The following NTRK2 variants were observed in gnomAD, a reference collection of about 807,000 sequenced individuals.
NTRK2 encodes neurotrophic receptor tyrosine kinase 2.
Under a neutral mutation model 94.5 loss-of-function variants are expected in NTRK2, and 13 were observed. That is an observed-to-expected ratio of 0.14 (90% CI 0.09 to 0.22). The LOEUF (loss-of-function observed/expected upper bound fraction) is 0.22. NTRK2 is among the 10% of genes least tolerant of loss of function. The pLI is 1.00. For missense variants in NTRK2, 639 were observed against 1,071.2 expected, an observed-to-expected ratio of 0.60 and a Z score of 5.63; for synonymous variants, 372 against 407.4, an observed-to-expected ratio of 0.91 and a Z score of 1.05.
chr9:84,855,042 A>C (rs2074996234), intron 12 of NTRK2, among the ~76,000 whole-genome samples: 1 of 151,314 alleles, frequency 6.6e-6, no homozygotes, highest in African/African-American at 2.4e-5. Flanking sequence ...GAAAGAGAAC[A>C]CTGGGCTGTT....
intron 15 of NTRK2, among the ~76,000 whole-genome samples, chr9:84,944,027 C>T (rs551151650): frequency 5.9e-5 from 9 of 151,978 alleles, no homozygotes; most frequent in Non-Finnish European, 1.2e-4. Flanking sequence ...TGCATTTGCC[C>T]CATGAATAGT....
At chr9:84,696,544 C>A (rs1049056502) in intron 2 of NTRK2, among the ~76,000 whole-genome samples, 7 of 152,124 alleles carry the variant, frequency 4.6e-5, no homozygotes, top group African/African-American at 1.7e-4. Context: ...AGCAGACATT[C>A]CTTGAGCATC....
intron 12 of NTRK2, among the ~76,000 whole-genome samples, chr9:84,783,931 G>A (rs1036714458): frequency 6.6e-6 from 1 of 152,138 alleles, no homozygotes; most frequent in South Asian, 2.1e-4. Flanking sequence ...AGAAGACTTG[G>A]CAGCATGAGG....
intron 6 of NTRK2, among the ~76,000 whole-genome samples, chr9:84,713,048 A>G (rs573568031): frequency 6.6e-6 from 1 of 152,306 alleles, no homozygotes; most frequent in South Asian, 2.1e-4. Context: ...GGCTGTATCT[A>G]TTTATGCCCA....
At chr9:84,922,791 C>T (rs1422772779) in intron 14 of NTRK2, among the ~76,000 whole-genome samples, 1 of 152,204 alleles carries the variant, frequency 6.6e-6, no homozygotes, top group African/African-American at 2.4e-5. Context: ...CAGCACCAAA[C>T]ACAGTTCTTT....
At chr9:85,007,797 T>A (rs1047398514) in intron 17 of NTRK2, among the ~76,000 whole-genome samples, 2 of 152,226 alleles carry the variant, frequency 1.3e-5, no homozygotes, top group Non-Finnish European at 2.9e-5. Flanking sequence ...ATCCCTACAT[T>A]GGCTAAGCTT....
intron 14 of NTRK2, among the ~76,000 whole-genome samples, chr9:84,909,464 T>C (rs2077173000): frequency 6.6e-6 from 1 of 152,090 alleles, no homozygotes; most frequent in African/African-American, 2.4e-5. Context: ...GGTAGGGTAG[T>C]TGCATCTTTA....
chr9:84,710,688 G>A lies in NTRK2; in HGVS notation c.480G>A (p.Lys160=). The part of the protein sequence containing the change: ...FTCSCDIMWI[K]TLQEAKSSPD... ...GCTCCTGTGACATTATGTGGATCAA[G>A]ACTCTCCAAGAGGCTAAATCCAGTC... is the stretch of plus-strand genomic sequence containing the variant. The change falls in exon 6 of 19, where the codon AAG becomes AAA. Residue 160 remains lysine, a synonymous_variant. Coordinates refer to ENST00000277120, the MANE Select transcript of NTRK2 (RefSeq NM_006180.6). 1 of 1,614,156 alleles carries A rather than the reference G, an allele frequency of 6.2e-7. No individual in the cohort carries two copies. The highest frequency in any genetic ancestry group is 1.3e-5 in the African/African-American group (1 of 75,052).
chr9:84,892,989 C>T lies in NTRK2; in HGVS notation c.1633+25558C>T, dbSNP rs1303550240. Among the ~76,000 whole-genome samples the T allele has an allele frequency of 3.3e-5, 5 of 151,966 alleles. No homozygotes were observed. The East Asian group carries it at 9.7e-4, about 29-fold the overall frequency. ...TTCCTTCCTTCTTTCCTGCCTCCCTCCCTTCCTTTTTTCCTTCTTTCCTTC... is the reference window on the plus strand; with the variant it reads ...TTCCTTCCTTCTTTCCTGCCTCCCTTCCTTCCTTTTTTCCTTCTTTCCTTC... On this transcript the variant is annotated intron_variant, in intron 14 of 18. Coordinates refer to ENST00000277120, the MANE Select transcript of NTRK2 (RefSeq NM_006180.6).
At chr9:84,931,716 C>CAAAAAAAAAAAAAAAAAAA (rs11395381) in intron 14 of NTRK2, among the ~76,000 whole-genome samples, 4 of 100,376 alleles carry the variant, frequency 4.0e-5, no homozygotes, top group African/African-American at 1.3e-4. Context: ...TAATAAAATG[C>CAAAAAAAAAAAAAAAAAAA]AAAAAAAAAA....
chr9:84,825,147 G>C (rs1001874642), intron 12 of NTRK2, among the ~76,000 whole-genome samples: 4 of 152,022 alleles, frequency 2.6e-5, no homozygotes, highest in African/African-American at 9.7e-5. Context: ...CCAAAATCAA[G>C]CCAAGTCTTC....
At chr9:84,774,552 T>C (rs1419006949) in intron 12 of NTRK2, among the ~76,000 whole-genome samples, 1 of 152,176 alleles carries the variant, frequency 6.6e-6, no homozygotes, top group Non-Finnish European at 1.5e-5. Flanking sequence ...CACAGCTCAT[T>C]TCCAGAATCC....
At chr9:84,954,637 G>A (rs1564498324) in intron 16 of NTRK2, among the ~76,000 whole-genome samples, 1 of 152,230 alleles carries the variant, frequency 6.6e-6, no homozygotes, top group African/African-American at 2.4e-5. Context: ...CATCCAGATT[G>A]AGAATGCCCT....
chr9:84,956,845 G>T (rs554121576), intron 17 of NTRK2, among the ~76,000 whole-genome samples: 1 of 65,950 alleles, frequency 1.5e-5, no homozygotes, highest in Non-Finnish European at 3.1e-5. Context: ...TGACTGTTTT[G>T]TGGTGTTTTT....
intron 17 of NTRK2, among the ~76,000 whole-genome samples, chr9:84,959,041 C>T (rs368378701): frequency 5.3e-5 from 8 of 152,210 alleles, no homozygotes; most frequent in South Asian, 2.1e-4. Context: ...ATCCCCTTCA[C>T]GGTGTCTCTT....
chr9:84,748,187 CCAAA>C (rs1398346641), intron 11 of NTRK2, among the ~76,000 whole-genome samples: 1 of 152,190 alleles, frequency 6.6e-6, no homozygotes, highest in African/African-American at 2.4e-5. Context: ...AAACAACTGA[CCAAA>C]CAAACTCACC....
chr9:85,012,019 C>A (rs983265239), intron 17 of NTRK2, among the ~76,000 whole-genome samples: 1 of 60,026 alleles, frequency 1.7e-5, no homozygotes, highest in African/African-American at 5.4e-5. Context: ...GATGGAGTCT[C>A]ACTCTGTCAC....
At position 84,817,124 on chromosome 9, in the gene NTRK2, C is replaced by A. The variant is rs573800735; in HGVS notation, c.1397-43916C>A. 4.6e-5 allele frequency among the ~76,000 whole-genome samples: 7 copies of A among 152,338 alleles called. No individual in the cohort carries two copies. In the South Asian group the frequency reaches 1.5e-3, roughly 32 times the overall value. On this transcript the variant is annotated intron_variant, in intron 12 of 18. Transcript: ENST00000277120. ...GATGGCTCAGGTAAAGCCCTTGGCA[C>A]ATTGCCTGGCAAGTGGGACACTCGG...
At chr9:84,993,770 C>T (rs1326313709) in intron 17 of NTRK2, among the ~76,000 whole-genome samples, 1 of 152,192 alleles carries the variant, frequency 6.6e-6, no homozygotes, top group Non-Finnish European at 1.5e-5. Context: ...CTATACTGGA[C>T]TTCTTCAAGC....
Sources: gnomAD v4.1 joint callset for allele counts (sites outside exome capture counted in the v4.1 genomes callset) on GRCh38, gnomAD v4.1.1 for gene constraint, MANE v1.5 for transcripts, NCBI Gene and HGNC (gene_info 2026-07-23, HGNC 2026-07-21) for gene names.